Variants in CCNL2 observed in about 807,000 individuals in gnomAD.
CCNL2 encodes the protein cyclin-L2.
CCNL2 carries 28 observed loss-of-function variants against 59.1 expected under a neutral mutation model. The ratio of observed to expected loss-of-function variants is 0.47; its 90% CI spans 0.35 to 0.65. CCNL2 has a LOEUF of 0.65. Among genes scored for constraint, CCNL2 ranks in the 30% least tolerant of loss-of-function variants. The probability of loss-of-function intolerance (pLI) is 0.00; values close to 1 mark genes in which losing one functional copy is unlikely to be tolerated. For synonymous variants in CCNL2, 342 were observed against 288.6 expected (o/e 1.19, Z -1.88); for missense variants, 714 against 717.4 (o/e 1.00, Z 0.05).
Position 1,387,943 on chromosome 1 carries a change from T to A in CCNL2, c.1118+11A>T. ...ACCCTGACAGCCACCTGGGCAGCCCTGGGGTCCTACCCGTTCACGGGGCTG... is the reference window on the plus strand; with the variant it reads ...ACCCTGACAGCCACCTGGGCAGCCCAGGGGTCCTACCCGTTCACGGGGCTG... On this transcript the variant is annotated intron_variant, in intron 9 of 10. Coordinates refer to ENST00000400809, the MANE Select transcript of CCNL2 (RefSeq NM_030937.6). The A allele has an allele frequency of 6.2e-7, 1 of 1,613,174 alleles. No homozygotes were observed. Among genetic ancestry groups the A allele is most frequent in the Non-Finnish European group, 8.5e-7 (1 of 1,179,268 alleles).
In CCNL2 at chr1:1,387,432, G is replaced by A. The variant is rs200361653; in HGVS notation, c.1362C>T (p.Tyr454=). 5 of 1,613,686 alleles carry A rather than the reference G, an allele frequency of 3.1e-6. No homozygotes were observed. In the African/African-American group the frequency reaches 4.0e-5, roughly 13 times the overall value. The stretch of plus-strand genomic sequence containing the variant: ...TCCGAGACTTGTGTGGCTTCTGGGG[G>A]TACTTGCAGTCCTTGGACTTCCGGG... ...RGSRKSKDCK[Y]PQKPHKSRSR... is the part of the protein sequence containing the mutation. Residue 454 remains tyrosine (Y), a synonymous_variant, in exon 11 of 11, where the codon TAC becomes TAT. Coordinates refer to ENST00000400809, the MANE Select transcript of CCNL2 (RefSeq NM_030937.6).
chr1:1,396,571 GTTTTTT>G (rs1175846044), intron 3 of CCNL2, among the ~76,000 whole-genome samples: 1 of 69,654 alleles, frequency 1.4e-5, no homozygotes, highest in African/African-American at 8.9e-5. Context: ...CGGCAAGGCT[GTTTTTT>G]TTTTTTTTTT....
rs757513204 is a variant in CCNL2, at chr1:1,387,304, C to A, written c.1490G>T (p.Arg497Leu). Reference protein sequence around the residue: ...SHYYRDQRRERSRSYERTGRR... With the variant: ...SHYYRDQRRELSRSYERTGRR... ...GCCTGTGCGTTCATACGACCTCGAG[C>A]GCTCTCGTCGCTGATCTCTGTAGTA... Residue 497 changes from arginine to leucine, a missense_variant, in exon 11 of 11, where the codon CGC (arginine) becomes CTC (leucine). By Grantham distance (102) the Arg-to-Leu change is moderately radical. Around this residue, in one of 5 missense-constraint regions of CCNL2, gnomAD observed 403 missense variants for 377.7 expected, o/e 1.07. Coordinates refer to ENST00000400809, the MANE Select transcript of CCNL2 (RefSeq NM_030937.6). 6.2e-7 allele frequency: 1 copy of A among 1,613,684 alleles called. No individual in the cohort carries two copies.
intron 1 of CCNL2, 95 bp downstream of exon 1, chr1:1,398,924 C>A: frequency 6.9e-7 from 1 of 1,456,256 alleles, no homozygotes; most frequent in Admixed American, 2.6e-5. Flanking sequence ...GGGTCGGGGT[C>A]TAGGCGGGGG....
chr1:1,391,050 A>T, intron 5 of CCNL2, 185 bp from the exon 6 acceptor site: 1 of 981,774 alleles, frequency 1.0e-6, no homozygotes, highest in Non-Finnish European at 1.4e-6. Context: ...TGCTTTTTCT[A>T]AATACAGTAA....
rs900691250 is a variant in CCNL2 at position 1,388,135 on chromosome 1, C to T, written c.1007-70G>A. ...CCCAATAAGAAACAAGTTCGTAGAGCGAGATAAGGCCCCTCTACAGGTCAA... is the reference window on the plus strand; with the variant it reads ...CCCAATAAGAAACAAGTTCGTAGAGTGAGATAAGGCCCCTCTACAGGTCAA... On this transcript the variant is annotated intron_variant, in intron 8 of 10. Coordinates refer to ENST00000400809, the MANE Select transcript of CCNL2 (RefSeq NM_030937.6). 1.9e-5 allele frequency: 23 copies of T among 1,240,982 alleles called. No individual in the cohort carries two copies. The East Asian group carries it at 3.9e-4, about 21-fold the overall frequency. 76.9% of individuals were successfully genotyped at this position (1,240,982 alleles called of 1,614,324 possible).
chr1:1,388,674 G>A (rs1249021573), intron 8 of CCNL2: 1 of 430,466 alleles, frequency 2.3e-6, no homozygotes, highest in Admixed American at 2.7e-5. Context: ...GGGAGGCTGA[G>A]GCACAAGAAT....
Position 1,398,676 on chromosome 1 carries a change from AGTAG to A in CCNL2, c.289-9_289-6del. The A allele has an allele frequency of 1.4e-6, 2 of 1,458,902 alleles. No individual in the cohort carries two copies. Among genetic ancestry groups the A allele is most frequent in the Non-Finnish European group, 1.8e-6 (2 of 1,083,962 alleles). 90.4% of individuals were successfully genotyped at this position (1,458,902 alleles called of 1,614,324 possible). ...CTGCCCGGTAGCCATGGCCACCTAG[AGTAG>A]AAGAAAGTTTCCGTATTTTCAAACG... On this transcript the variant is annotated splice_polypyrimidine_tract_variant and splice_region_variant and intron_variant, in intron 1 of 10. Coordinates refer to ENST00000400809, the MANE Select transcript of CCNL2 (RefSeq NM_030937.6).
chr1:1,398,899 T>C, intron 1 of CCNL2, 120 bp downstream of exon 1: 1 of 1,402,876 alleles, frequency 7.1e-7, no homozygotes, highest in Non-Finnish European at 9.3e-7. Flanking sequence ...GAGGCTGGGG[T>C]CGGGGCAGGG....
At chr1:1,397,966 C>T (rs963163602) in intron 3 of CCNL2, among the ~76,000 whole-genome samples, 2 of 152,160 alleles carry the variant, frequency 1.3e-5, no homozygotes, top group Admixed American at 6.5e-5. Context: ...GCAGCAGGGC[C>T]GTGCACTGAC....
Position 1,387,568 on chromosome 1 carries a change from C to A in CCNL2, c.1226G>T (p.Gly409Val). Reference sequence around the variant, plus strand: ...CGACTTGGACCCACCAGATGTGGAGCCGCTGTCACTTTTCCTGGGAGGAAG... The same window carrying A: ...CGACTTGGACCCACCAGATGTGGAGACGCTGTCACTTTTCCTGGGAGGAAG... ...ASPKRRKSDS[G>V]STSGGSKSQS... The change falls in exon 11 of 11, where the codon GGC (glycine) becomes GTC (valine). Residue 409 changes from glycine (G) to valine (V), a missense_variant. By Grantham distance (109) the Gly-to-Val change is moderately radical. Transcript: ENST00000400809. 1 of 1,495,986 alleles carries A rather than the reference C, an allele frequency of 6.7e-7. No homozygotes were observed. The highest frequency in any genetic ancestry group is 8.9e-7 in the Non-Finnish European group (1 of 1,123,148). 92.7% of individuals were successfully genotyped at this position (1,495,986 alleles called of 1,614,324 possible).
chr1:1,391,546 G>A (rs918579649), intron 5 of CCNL2: 3 of 1,304,968 alleles, frequency 2.3e-6, no homozygotes, highest in Admixed American at 2.3e-5. Context: ...CATCAGAGCC[G>A]CTGCCAACTG....
At chr1:1,388,542 A>AAC (rs1015536235) in intron 8 of CCNL2, 8 of 450,156 alleles carry the variant, frequency 1.8e-5, no homozygotes, top group Admixed American at 4.8e-5. Flanking sequence ...AAAACAAAAA[A>AAC]ACCCCAAAAC....
intron 4 of CCNL2, chr1:1,395,140 C>A: frequency 2.3e-6 from 1 of 431,848 alleles, no homozygotes; most frequent in East Asian, 3.5e-5. Flanking sequence ...ATAAACTCAC[C>A]ACTATTTTTG....
chr1:1,395,495 G>C lies in CCNL2; in HGVS notation c.493C>G (p.Leu165Val). 6.2e-7 allele frequency: 1 copy of C among 1,614,098 alleles called. No individual in the cohort carries two copies. The highest frequency in any genetic ancestry group is 8.5e-7 in the Non-Finnish European group (1 of 1,180,016). ...TTTAAATTAACATAATCTTGATCCAGTAGTAGAGGCACGGGCTTCCTGCCA... is the reference window on the plus strand; with the variant it reads ...TTTAAATTAACATAATCTTGATCCACTAGTAGAGGCACGGGCTTCCTGCCA... Reference protein sequence around the residue: ...RDKKKPVPLLLDQDYVNLKNQ... With the variant: ...RDKKKPVPLLVDQDYVNLKNQ... The change falls in exon 4 of 11, where the codon CTG (leucine) becomes GTG (valine). Residue 165 changes from leucine (L) to valine (V), a missense_variant. Physicochemically the swap from Leu to Val is conservative, Grantham distance 32. Transcript: ENST00000400809.
chr1:1,386,391 A>G lies in CCNL2; in HGVS notation c.*840T>C, dbSNP rs1644456519. The G allele has an allele frequency of 6.6e-6, 1 of 152,454 alleles. No homozygotes were observed. 9.4% of individuals were successfully genotyped at this position (152,454 alleles called of 1,614,324 possible). On this transcript the variant is annotated 3_prime_UTR_variant, in exon 11 of 11. Coordinates refer to ENST00000400809, the MANE Select transcript of CCNL2 (RefSeq NM_030937.6). ...GCAAAATCCAAAACTTCAGTACAGCAGGGAGCAAGGAGCCCGGAAGTGGGC... is the reference window on the plus strand; with the variant it reads ...GCAAAATCCAAAACTTCAGTACAGCGGGGAGCAAGGAGCCCGGAAGTGGGC...
intron 3 of CCNL2, 64 bp downstream of exon 3, chr1:1,398,169 T>A: frequency 6.7e-7 from 1 of 1,490,226 alleles, no homozygotes. Flanking sequence ...AGCCTTACTG[T>A]AACTTAATCA....
rs1024990220 is a variant in CCNL2, at chr1:1,386,158, A to T, written c.*1073T>A. On this transcript the variant is annotated 3_prime_UTR_variant, in exon 11 of 11. Transcript: ENST00000400809. ...GCCACCCCCGTGGGGTGACCCTCCA[A>T]GTGTCCTGCTCCCAGCTGCCTCTCT... 1 of 152,244 alleles carries T rather than the reference A, an allele frequency of 6.6e-6. No homozygotes were observed. The highest frequency in any genetic ancestry group is 1.5e-5 in the Non-Finnish European group (1 of 68,066). 9.4% of individuals were successfully genotyped at this position (152,244 alleles called of 1,614,324 possible). A position where few individuals can be genotyped will look rare whatever the true frequency, so the allele number is the denominator to read the frequency against.
intron 3 of CCNL2, among the ~76,000 whole-genome samples, chr1:1,397,126 C>T (rs1026939336): frequency 2.6e-5 from 4 of 152,184 alleles, no homozygotes; most frequent in African/African-American, 4.8e-5. Flanking sequence ...AGGTGATCCA[C>T]CTGCCTAGGC....
Sources: allele counts gnomAD v4.1 joint callset (sites outside exome capture counted in the v4.1 genomes callset), GRCh38; gene constraint gnomAD v4.1.1; regional missense constraint gnomAD v4.1.1; transcripts MANE v1.5; gene names NCBI Gene and HGNC (gene_info 2026-07-23, HGNC 2026-07-21).